Variants in CCDC167 observed in about 807,000 individuals in gnomAD.
CCDC167 encodes coiled-coil domain containing 167.
In CCDC167, 15 loss-of-function variants were observed where a neutral mutation model predicts 12.7. The ratio of observed to expected loss-of-function variants is 1.18; its 90% CI spans 0.79 to 1.81. The LOEUF is 1.81. Ranked by LOEUF, CCDC167 falls within the 40% of genes most tolerant of loss-of-function variation. The probability of loss-of-function intolerance (pLI) is 0.00; values close to 1 mark genes in which losing one functional copy is unlikely to be tolerated. For missense variants in CCDC167, 121 were observed against 120.1 expected, an observed-to-expected ratio of 1.01 and a Z score of -0.03; for synonymous variants, 52 against 49.0, an observed-to-expected ratio of 1.06 and a Z score of -0.26.
intron 3 of CCDC167, among the ~76,000 whole-genome samples, chr6:37,484,283 T>C (rs1236356345): frequency 6.6e-6 from 1 of 152,184 alleles, no homozygotes. Flanking sequence ...CTCCCCAGCC[T>C]TTAGCAGGGA....
chr6:37,492,940 A>T (rs1192995826), intron 1 of CCDC167, among the ~76,000 whole-genome samples: 6 of 152,144 alleles, frequency 3.9e-5, no homozygotes, highest in Non-Finnish European at 7.4e-5. Context: ...CGTTTAAGGG[A>T]TGTTTTTCTG....
At chr6:37,495,486 G>A (rs1762087084) in intron 1 of CCDC167, among the ~76,000 whole-genome samples, 1 of 152,200 alleles carries the variant, frequency 6.6e-6, no homozygotes, top group African/African-American at 2.4e-5. Flanking sequence ...TACTGGGTGG[G>A]TGATTTCTCA....
chr6:37,484,173 C>T (rs935215975), intron 3 of CCDC167, among the ~76,000 whole-genome samples: 1 of 152,208 alleles, frequency 6.6e-6, no homozygotes, highest in Non-Finnish European at 1.5e-5. Flanking sequence ...TGGGGGACTC[C>T]TTGCCATTAG....
At chr6:37,498,515 T>TAAAAA (rs34494456) in intron 1 of CCDC167, among the ~76,000 whole-genome samples, 9 of 145,786 alleles carry the variant, frequency 6.2e-5, no homozygotes, top group Admixed American at 4.1e-4. Flanking sequence ...GTGTGGCTTG[T>TAAAAA]AAAAAAAAAA....
intron 1 of CCDC167, among the ~76,000 whole-genome samples, chr6:37,489,877 T>A (rs1024379939): frequency 1.3e-5 from 2 of 152,186 alleles, no homozygotes; most frequent in African/African-American, 4.8e-5. Context: ...CTTACGGCTG[T>A]GACTGTGACC....
At chr6:37,499,703 G>T in intron 1 of CCDC167, 119 bp downstream of exon 1, 2 of 1,133,146 alleles carry the variant, frequency 1.8e-6, no homozygotes, top group Non-Finnish European at 2.6e-6. Flanking sequence ...TCCCCAAACC[G>T]CGTCGCCCTC....
At chr6:37,485,985 C>T (rs1761938588) in intron 1 of CCDC167, among the ~76,000 whole-genome samples, 1 of 152,146 alleles carries the variant, frequency 6.6e-6, no homozygotes, top group Non-Finnish European at 1.5e-5. Flanking sequence ...GTTGTCCAAA[C>T]CTGGGTTTTG....
At chr6:37,492,627 C>G (rs768267144) in intron 1 of CCDC167, among the ~76,000 whole-genome samples, 1 of 152,240 alleles carries the variant, frequency 6.6e-6, no homozygotes, top group Non-Finnish European at 1.5e-5. Context: ...CCAGCAGTAC[C>G]GAAGCCTTCC....
chr6:37,498,474 C>T (rs1762124569), intron 1 of CCDC167, among the ~76,000 whole-genome samples: 1 of 151,542 alleles, frequency 6.6e-6, no homozygotes, highest in Non-Finnish European at 1.5e-5. Context: ...CAAGGGATGC[C>T]ACTAAAACTA....
chr6:37,487,378 A>G (rs967210212), intron 1 of CCDC167, among the ~76,000 whole-genome samples: 3 of 152,206 alleles, frequency 2.0e-5, no homozygotes, highest in Admixed American at 2.0e-4. Flanking sequence ...GGTGGGACTG[A>G]GGGGCAAGGA....
intron 1 of CCDC167, among the ~76,000 whole-genome samples, chr6:37,490,518 ATGCTGCCTAAATTACTGAGAAC>A (rs1161810464): frequency 6.6e-6 from 1 of 152,212 alleles, no homozygotes; most frequent in African/African-American, 2.4e-5. Context: ...CCCCGTAGTG[ATGCTGCCTAAATTACTGAGAAC>A]TGCTGCTTCT....
intron 1 of CCDC167, among the ~76,000 whole-genome samples, chr6:37,494,808 T>TTTTTTTTTTTTA (rs1554124147): frequency 7.1e-6 from 1 of 141,690 alleles, no homozygotes; most frequent in African/African-American, 2.7e-5. Context: ...CCTACAAATT[T>TTTTTTTTTTTTA]TTTTTTTTTT....
chr6:37,496,751 T>C (rs1762102922), intron 1 of CCDC167, among the ~76,000 whole-genome samples: 5 of 152,272 alleles, frequency 3.3e-5, no homozygotes, highest in Admixed American at 2.6e-4. Context: ...GTAGTGAGAC[T>C]ACAGGCTGTC....
chr6:37,484,897 T>G (rs775193073), intron 2 of CCDC167, 35 bp from the exon 3 acceptor site: 3 of 1,613,040 alleles, frequency 1.9e-6, no homozygotes, highest in Non-Finnish European at 2.5e-6. Context: ...GACCAAACCC[T>G]TTTCCTTTTC....
chr6:37,499,883 C>T lies in CCDC167; in HGVS notation c.-20G>A, dbSNP rs370703673. 1.2e-6 allele frequency: 2 copies of T among 1,614,102 alleles called. No homozygotes were observed. Among genetic ancestry groups the T allele is most frequent in the African/African-American group, 1.3e-5 (1 of 75,044 alleles). On this transcript the variant is annotated 5_prime_UTR_variant, in exon 1 of 4. Coordinates refer to ENST00000373408, the MANE Select transcript of CCDC167 (RefSeq NM_138493.3). ...AGTCATGTTACTTGCCGGGATCCCC[C>T]AGTCATCACTGGACGCGCCCACCAA...
intron 1 of CCDC167, among the ~76,000 whole-genome samples, chr6:37,492,453 G>A (rs775204271): frequency 1.3e-5 from 2 of 152,176 alleles, no homozygotes; most frequent in Non-Finnish European, 2.9e-5. Context: ...GGAGCCCAGC[G>A]TCTGCCCTTA....
chr6:37,497,328 A>G (rs1368951999), intron 1 of CCDC167, among the ~76,000 whole-genome samples: 2 of 152,202 alleles, frequency 1.3e-5, no homozygotes, highest in African/African-American at 4.8e-5. Context: ...ACCTTGTTTC[A>G]TGTGTGATTC....
intron 3 of CCDC167, among the ~76,000 whole-genome samples, chr6:37,484,238 C>T (rs897566959): frequency 1.3e-5 from 2 of 152,186 alleles, no homozygotes; most frequent in African/African-American, 4.8e-5. Context: ...GAGAACAGAA[C>T]CGACAAGTCT....
At chr6:37,484,669 G>A (rs1761918199) in intron 3 of CCDC167, 141 bp downstream of exon 3, 1 of 891,108 alleles carries the variant, frequency 1.1e-6, no homozygotes, top group African/African-American at 1.7e-5. Flanking sequence ...CCTAGCAGGG[G>A]TGTCTGCAGC....
Sources: allele counts gnomAD v4.1 joint callset (sites outside exome capture counted in the v4.1 genomes callset), GRCh38; gene constraint gnomAD v4.1.1; transcripts MANE v1.5; gene names NCBI Gene and HGNC (gene_info 2026-07-23, HGNC 2026-07-21).